RAP1A: variants seen among roughly 807,000 people sequenced by gnomAD.
The protein encoded by RAP1A is ras-related protein Rap-1A.
A neutral mutation model predicts 26.4 loss-of-function variants in RAP1A; 6 were observed. That is an observed-to-expected ratio of 0.23 (90% CI 0.12 to 0.45). The LOEUF (loss-of-function observed/expected upper bound fraction) is 0.45. RAP1A is among the 20% of genes least tolerant of loss of function. The probability of loss-of-function intolerance (pLI) is 0.99; values close to 1 mark genes in which losing one functional copy is unlikely to be tolerated. For missense variants in RAP1A, 121 were observed against 217.2 expected, an observed-to-expected ratio of 0.56 and a Z score of 2.78; for synonymous variants, 73 against 79.4, an observed-to-expected ratio of 0.92 and a Z score of 0.43.
At chr1:111,629,859 A>G (rs541960623) in intron 1 of RAP1A, among the ~76,000 whole-genome samples, 4 of 152,166 alleles carry the variant, frequency 2.6e-5, no homozygotes, top group Non-Finnish European at 5.9e-5. Flanking sequence ...TCTACAAACT[A>G]TAAGAGTCTC....
chr1:111,680,302 C>T (rs114629026), intron 1 of RAP1A, among the ~76,000 whole-genome samples: 2,562 of 152,274 alleles, frequency 0.017, 28 homozygotes, highest in South Asian at 0.036. Context: ...AAGCGGGTTG[C>T]GACTGCTGGC....
At chr1:111,709,384 G>A in intron 7 of RAP1A, 120 bp downstream of exon 7, 5 of 1,174,834 alleles carry the variant, frequency 4.3e-6, no homozygotes, top group South Asian at 2.0e-5. Flanking sequence ...ACTTGTAAAT[G>A]TGATATATAA....
At position 111,636,633 on chromosome 1, in the gene RAP1A, G is replaced by A. The variant is rs933562440; in HGVS notation, c.-28+16699G>A. Among the ~76,000 whole-genome samples the A allele has an allele frequency of 5.3e-5, 8 of 151,782 alleles. 1 individual carries two copies. The highest frequency in any genetic ancestry group is 1.7e-4 in the African/African-American group (7 of 41,224). On this transcript the variant is annotated intron_variant, in intron 1 of 7. Transcript: ENST00000369709. Reference sequence around the variant, plus strand: ...TGAGTAGCTGGGATTACAGGCATGCGCCACCACTCCCAGCTAATTTTGTAT... The same window carrying A: ...TGAGTAGCTGGGATTACAGGCATGCACCACCACTCCCAGCTAATTTTGTAT...
At chr1:111,704,915 A>G (rs911431330) in intron 6 of RAP1A, among the ~76,000 whole-genome samples, 5 of 152,156 alleles carry the variant, frequency 3.3e-5, no homozygotes, top group Admixed American at 3.3e-4. Context: ...CCTTTGGTGC[A>G]TGACTCATAA....
At chr1:111,556,342 A>T (rs908036890) in intron 1 of RAP1A, among the ~76,000 whole-genome samples, 1 of 152,218 alleles carries the variant, frequency 6.6e-6, no homozygotes, top group Non-Finnish European at 1.5e-5. Context: ...AAAATTGTAC[A>T]AGTGCTATAT....
intron 1 of RAP1A, among the ~76,000 whole-genome samples, chr1:111,587,611 C>T (rs752207661): frequency 1.1e-4 from 17 of 152,150 alleles, no homozygotes; most frequent in East Asian, 5.8e-4. Context: ...AACTTCCACT[C>T]GCCCACTCTT....
intron 1 of RAP1A, among the ~76,000 whole-genome samples, chr1:111,675,365 G>A (rs1033592626): frequency 4.6e-5 from 7 of 152,050 alleles, no homozygotes; most frequent in Admixed American, 3.9e-4. Context: ...TCAGCTACTC[G>A]GGAGGCTGAG....
chr1:111,695,087 TAA>T (rs1402435574), intron 2 of RAP1A, among the ~76,000 whole-genome samples: 2 of 152,178 alleles, frequency 1.3e-5, no homozygotes, highest in Admixed American at 6.5e-5. Flanking sequence ...CCTTGTATAT[TAA>T]GACTTAATGT....
At chr1:111,646,458 A>G (rs951148437) in intron 1 of RAP1A, among the ~76,000 whole-genome samples, 1 of 151,676 alleles carries the variant, frequency 6.6e-6, no homozygotes, top group East Asian at 1.9e-4. Flanking sequence ...CAATTCCCAA[A>G]TTATAAATAA....
intron 1 of RAP1A, among the ~76,000 whole-genome samples, chr1:111,584,604 A>G (rs1658324917): frequency 1.3e-5 from 2 of 152,224 alleles, no homozygotes; most frequent in Admixed American, 6.5e-5. Context: ...AGGCTCTAAC[A>G]TATGCATGTG....
At chr1:111,551,292 T>C (rs1396462664) in intron 1 of RAP1A, among the ~76,000 whole-genome samples, 1 of 152,224 alleles carries the variant, frequency 6.6e-6, no homozygotes, top group African/African-American at 2.4e-5. Flanking sequence ...ATTATGTATA[T>C]GTCTTATATC....
intron 1 of RAP1A, among the ~76,000 whole-genome samples, chr1:111,683,406 A>G (rs568642705): frequency 1.3e-5 from 2 of 152,144 alleles, no homozygotes; most frequent in East Asian, 1.9e-4. Context: ...AGATTAACAA[A>G]ATAGACCACT....
chr1:111,669,424 GTTTTC>G (rs1660907999), intron 1 of RAP1A, among the ~76,000 whole-genome samples: 1 of 152,110 alleles, frequency 6.6e-6, no homozygotes, highest in Non-Finnish European at 1.5e-5. Context: ...GGGATATGCC[GTTTTC>G]TTTATCTTTC....
intron 4 of RAP1A, among the ~76,000 whole-genome samples, chr1:111,698,770 T>C (rs778700839): frequency 6.6e-6 from 1 of 152,132 alleles, no homozygotes; most frequent in Admixed American, 6.5e-5. Context: ...CAGGGACCTT[T>C]GCCCTCACAA....
chr1:111,710,486 A>G (rs1230822181), intron 7 of RAP1A, among the ~76,000 whole-genome samples: 1 of 152,190 alleles, frequency 6.6e-6, no homozygotes, highest in Admixed American at 6.5e-5. Context: ...TTTATTACAT[A>G]ATTTGGTGCT....
At chr1:111,617,594 G>A (rs962195068), upstream of RAP1A, among the ~76,000 whole-genome samples, 4 of 151,932 alleles carry the variant, frequency 2.6e-5, no homozygotes, top group African/African-American at 9.7e-5. Context: ...CACCACGCCT[G>A]GCTAATTTTT....
intron 1 of RAP1A, among the ~76,000 whole-genome samples, chr1:111,669,040 A>AG (rs59126534): frequency 0.77 from 108,316 of 140,432 alleles, 42,041 homozygotes; most frequent in East Asian, 0.92. Flanking sequence ...AAAAAAAAAA[A>AG]AAAAAAAAGA....
intron 1 of RAP1A, among the ~76,000 whole-genome samples, chr1:111,558,395 C>T (rs1455313317): frequency 6.6e-6 from 1 of 151,844 alleles, no homozygotes; most frequent in African/African-American, 2.4e-5. Context: ...CCATGTTGCC[C>T]AAGCTGGTCT....
rs192523350 is a variant in RAP1A, at chr1:111,575,338, G to C, written c.-28+32829G>C. ...TCAGCTAATTTTTGTATGTTTAGTA[G>C]AGACGGGTTTCGCCATGTTGGCCAG... On this transcript the variant is annotated intron_variant, in intron 1 of 7. Coordinates refer to the RAP1A transcript ENST00000356415. 5.1e-4 allele frequency among the ~76,000 whole-genome samples: 77 copies of C among 152,252 alleles called. No homozygotes were observed. The East Asian group carries it at 0.014, about 27-fold the overall frequency.
Sources: allele counts gnomAD v4.1 joint callset (sites outside exome capture counted in the v4.1 genomes callset), GRCh38; gene constraint gnomAD v4.1.1; transcripts MANE v1.5; gene names NCBI Gene and HGNC (gene_info 2026-07-23, HGNC 2026-07-21).